The following TBL3 variants were observed in gnomAD, a reference collection of about 807,000 sequenced individuals.
TBL3 encodes transducin beta like 3.
In TBL3, 71 loss-of-function variants were observed where a neutral mutation model predicts 102.7. The ratio of observed to expected loss-of-function variants is 0.69; its 90% CI spans 0.57 to 0.84. TBL3 has a LOEUF of 0.84. TBL3 is among the 40% of genes least tolerant of loss of function. TBL3 has a pLI of 0.00. For synonymous variants in TBL3, 578 were observed against 477.7 expected, an observed-to-expected ratio of 1.21 and a Z score of -2.74; for missense variants, 1,188 against 1,098.5, an observed-to-expected ratio of 1.08 and a Z score of -1.15.
Position 1,979,889 on chromosome 16 carries a change from C to A in TBL3, c.*1204C>A. ...CAGGCGGTCTGCCGGTCTTCGTTCT[C>A]CACCAGCCACCAGCCTGTGCGCAAG... On this transcript the variant is annotated 3_prime_UTR_variant, in exon 22 of 22. Transcript: ENST00000568546. 6.3e-7 allele frequency: 1 copy of A among 1,581,422 alleles called. No individual in the cohort carries two copies. The highest frequency in any genetic ancestry group is 8.6e-7 in the Non-Finnish European group (1 of 1,164,724).
rs140469677 is a variant in TBL3 at position 1,975,091 on chromosome 16, A to G, written c.628A>G (p.Met210Val). The G allele has an allele frequency of 6.3e-5, 101 of 1,611,466 alleles. No individual in the cohort carries two copies. In the African/African-American group the frequency reaches 1.2e-3, roughly 19 times the overall value. ...GGCCTTCAGCGCCGACGGCCACACCATGCTCAGGTCAGCAGTGGGCCCTGG... is the reference window on the plus strand; with the variant it reads ...GGCCTTCAGCGCCGACGGCCACACCGTGCTCAGGTCAGCAGTGGGCCCTGG... ...SLAFSADGHT[M>V]LSSGRDKICI... The change falls in exon 7 of 22, where the codon ATG (methionine) becomes GTG (valine). Residue 210 changes from methionine (M) to valine (V), a missense_variant. Met to Val is a conservative substitution (Grantham distance 21). Coordinates refer to ENST00000568546, the MANE Select transcript of TBL3 (RefSeq NM_006453.3).
chr16:1,977,612 G>A lies in TBL3; in HGVS notation c.1841G>A (p.Ser614Asn). 6.4e-7 allele frequency: 1 copy of A among 1,559,994 alleles called. No individual in the cohort carries two copies. The highest frequency in any genetic ancestry group is 1.2e-5 in the South Asian group (1 of 85,516). ...HEDKVWGLHC[S>N]RLDDHALTGA... ...GACAAGGTCTGGGGGCTGCACTGCAGCCGGCTGGACGACCACGCCCTCACT... is the reference window on the plus strand; with the variant it reads ...GACAAGGTCTGGGGGCTGCACTGCAACCGGCTGGACGACCACGCCCTCACT... Residue 614 changes from serine (S) to asparagine (N), a missense_variant, in exon 17 of 22, where the codon AGC becomes AAC. Coordinates refer to ENST00000568546, the MANE Select transcript of TBL3 (RefSeq NM_006453.3).
At chr16:1,977,014 G>A in intron 14 of TBL3, 40 bp from the exon 15 acceptor site, 1 of 1,612,530 alleles carries the variant, frequency 6.2e-7, no homozygotes, top group Non-Finnish European at 8.5e-7. Context: ...GCTGGGGGAA[G>A]ATGGGGGATT....
Position 1,980,321 on chromosome 16 carries a change from G to A in TBL3, c.*1636G>A. On this transcript the variant is annotated 3_prime_UTR_variant, in exon 22 of 22. Transcript: ENST00000568546. Reference sequence around the variant, plus strand: ...TCCCCCCCACCCTGGACCTCTCCCAGCTCCAAACGCCGCTGCATGCTGGGA... The same window carrying A: ...TCCCCCCCACCCTGGACCTCTCCCAACTCCAAACGCCGCTGCATGCTGGGA... 6.4e-7 allele frequency: 1 copy of A among 1,574,592 alleles called. No individual in the cohort carries two copies. The highest frequency in any genetic ancestry group is 8.6e-7 in the Non-Finnish European group (1 of 1,165,106).
In TBL3 at chr16:1,978,927, C is replaced by T; in HGVS notation, c.*242C>T. On this transcript the variant is annotated 3_prime_UTR_variant, in exon 22 of 22. Coordinates refer to ENST00000568546, the MANE Select transcript of TBL3 (RefSeq NM_006453.3). ...CTTAGACGGTGGGGGTCATGCAGAACAAGCTTTACTCAGAGGAACAGCAAA... is the reference window on the plus strand; with the variant it reads ...CTTAGACGGTGGGGGTCATGCAGAATAAGCTTTACTCAGAGGAACAGCAAA... 8.7e-7 allele frequency: 1 copy of T among 1,146,782 alleles called. No individual in the cohort carries two copies. The highest frequency in any genetic ancestry group is 1.4e-5 in the South Asian group (1 of 69,894). 71.0% of individuals were successfully genotyped at this position (1,146,782 alleles called of 1,614,324 possible).
chr16:1,973,937 C>A, intron 1 of TBL3, 119 bp from the exon 2 acceptor site: 2 of 1,119,804 alleles, frequency 1.8e-6, no homozygotes, highest in South Asian at 1.9e-5. Flanking sequence ...CCTGCTGTTG[C>A]CCAGAAACTC....
Position 1,976,917 on chromosome 16 carries a change from C to T in TBL3, c.1396C>T (p.Pro466Ser). The part of the protein sequence containing the change: ...LSKNTAPDNG[P>S]ILLQAQTTQR... Reference sequence around the variant, plus strand: ...CAAGAACACAGCCCCAGACAACGGCCCTATCCTCCTGCAGGCCCAGACCAC... The same window carrying T: ...CAAGAACACAGCCCCAGACAACGGCTCTATCCTCCTGCAGGCCCAGACCAC... Residue 466 changes from proline to serine, a missense_variant, in exon 14 of 22, where the codon CCT becomes TCT. Pro to Ser is a moderately conservative substitution (Grantham distance 74). Coordinates refer to ENST00000568546, the MANE Select transcript of TBL3 (RefSeq NM_006453.3). The T allele has an allele frequency of 6.2e-7, 1 of 1,613,970 alleles. No individual in the cohort carries two copies. Among genetic ancestry groups the T allele is most frequent in the Non-Finnish European group, 8.5e-7 (1 of 1,180,010 alleles).
intron 20 of TBL3, 24 bp downstream of exon 20, chr16:1,978,244 G>A: frequency 6.2e-7 from 1 of 1,612,630 alleles, no homozygotes; most frequent in African/African-American, 1.3e-5. Context: ...CAGGGTGGGT[G>A]GCCCGGTGGG....
At position 1,979,645 on chromosome 16, in the gene TBL3, C is replaced by T. The variant is rs1421036463; in HGVS notation, c.*960C>T. On this transcript the variant is annotated 3_prime_UTR_variant, in exon 22 of 22. Transcript: ENST00000568546. The stretch of plus-strand genomic sequence containing the variant: ...TTGCTTGAGTCTGCTGACGGCGGGG[C>T]CGCTCTAAGACCGGTTCGGGGCTTC... The T allele has an allele frequency of 2.0e-5, 25 of 1,276,140 alleles. No individual in the cohort carries two copies. Among genetic ancestry groups the T allele is most frequent in the Non-Finnish European group, 2.7e-5 (25 of 912,504 alleles). The allele number at this position is 1,276,140 out of a possible 1,614,324, so 79.1% of individuals were successfully genotyped here.
At position 1,979,110 on chromosome 16, in the gene TBL3, C is replaced by G. The variant is rs560338082; in HGVS notation, c.*425C>G. 5 of 1,490,268 alleles carry G rather than the reference C, an allele frequency of 3.4e-6. No individual in the cohort carries two copies. Among genetic ancestry groups the G allele is most frequent in the Non-Finnish European group, 4.4e-6 (5 of 1,135,172 alleles). The allele number at this position is 1,490,268 out of a possible 1,614,324, so 92.3% of individuals were successfully genotyped here. Reference sequence around the variant, plus strand: ...CACGCACCCTCGAGGGCGGCCCTGGCGCCGTGGGCGCCGCTCCAGGGCCCT... The same window carrying G: ...CACGCACCCTCGAGGGCGGCCCTGGGGCCGTGGGCGCCGCTCCAGGGCCCT... On this transcript the variant is annotated 3_prime_UTR_variant, in exon 22 of 22. Transcript: ENST00000568546.
In TBL3 at chr16:1,977,530, G is replaced by C. The variant is rs752729561; in HGVS notation, c.1759G>C (p.Val587Leu). ...CAAACCCAGCGGTTCGGATGGCCTC[G>C]TGAAGCTCTGGACCATCAAGAACAA... The part of the protein sequence containing the change: ...QLLSSGSDGL[V>L]KLWTIKNNEC... The change falls in exon 17 of 22, where the codon GTG (valine) becomes CTG (leucine). Residue 587 changes from valine to leucine, a missense_variant. Physicochemically the swap from Val to Leu is conservative, Grantham distance 32. Coordinates refer to ENST00000568546, the MANE Select transcript of TBL3 (RefSeq NM_006453.3). 2 of 1,604,664 alleles carry C rather than the reference G, an allele frequency of 1.2e-6. No individual in the cohort carries two copies. Among genetic ancestry groups the C allele is most frequent in the Admixed American group, 1.7e-5 (1 of 59,214 alleles).
Position 1,980,805 on chromosome 16 carries a change from G to A in TBL3, c.*2120G>A. On this transcript the variant is annotated 3_prime_UTR_variant, in exon 22 of 22. Transcript: ENST00000568546. ...CTTGAGAGGGCGGGGTCCCTCACCC[G>A]GATGGCAGGGGCTGGGAGCTTCAGC... The A allele has an allele frequency of 6.0e-6, 9 of 1,494,938 alleles. No individual in the cohort carries two copies. Among genetic ancestry groups the A allele is most frequent in the African/African-American group, 1.4e-5 (1 of 72,278 alleles). The allele number at this position is 1,494,938 out of a possible 1,614,324, so 92.6% of individuals were successfully genotyped here.
At position 1,981,321 on chromosome 16, in the gene TBL3, G is replaced by A; in HGVS notation, c.*2636G>A. 1 of 1,454,098 alleles carries A rather than the reference G, an allele frequency of 6.9e-7. No homozygotes were observed. The highest frequency in any genetic ancestry group is 2.5e-5 in the East Asian group (1 of 40,294). The allele number at this position is 1,454,098 out of a possible 1,614,324, so 90.1% of individuals were successfully genotyped here. On this transcript the variant is annotated 3_prime_UTR_variant, in exon 22 of 22. Coordinates refer to ENST00000568546, the MANE Select transcript of TBL3 (RefSeq NM_006453.3). ...CTCAAGCCTGTGGGGTCCTTGTGGAGCCGCCCCAGCTGAGTCCTTTGCAGC... is the reference window on the plus strand; with the variant it reads ...CTCAAGCCTGTGGGGTCCTTGTGGAACCGCCCCAGCTGAGTCCTTTGCAGC...
Position 1,974,078 on chromosome 16 carries a change from G to T in TBL3, c.64G>T (p.Glu22Ter). ...KTNYAVERKI[E>*]PFYKGGKAQL... is the part of the protein sequence containing the mutation. ...CAGCTATGCTGTGGAGCGCAAAATT[G>T]AGCCTTTCTACAAGGGCGGAAAAGC... is the stretch of plus-strand genomic sequence containing the variant. The change falls in exon 2 of 22, where the codon GAG becomes TAG. Residue 22 changes from glutamate (E) to a stop codon, truncating the protein, a stop_gained. Coordinates refer to ENST00000568546, the MANE Select transcript of TBL3 (RefSeq NM_006453.3). LOFTEE classifies it high-confidence loss of function. The T allele has an allele frequency of 6.3e-7, 1 of 1,582,530 alleles. No individual in the cohort carries two copies. The highest frequency in any genetic ancestry group is 1.1e-5 in the South Asian group (1 of 88,604).
At position 1,978,411 on chromosome 16, in the gene TBL3, G is replaced by A. The variant is rs141195803; in HGVS notation, c.2233G>A (p.Glu745Lys). 130 of 1,611,304 alleles carry A rather than the reference G, an allele frequency of 8.1e-5. 1 individual carries two copies. The highest frequency in any genetic ancestry group is 5.6e-4 in the South Asian group (51 of 90,978). The change falls in exon 21 of 22, where the codon GAG becomes AAG. Residue 745 changes from glutamate to lysine, a missense_variant. Coordinates refer to ENST00000568546, the MANE Select transcript of TBL3 (RefSeq NM_006453.3). ...LGVLLRREAP[E>K]ELLAYEGVRA... ...TGTGCTCTTGAGGCGAGAGGCCCCC[G>A]AGGAGCTGCTGGCCTACGAAGGCGT...
Position 1,979,301 on chromosome 16 carries a change from T to C in TBL3, c.*616T>C. ...TCCCGCTCAGGAGAGCGCCCAGCCC[T>C]TCCGGCCGCAGCAGCACCGCGGGGA... On this transcript the variant is annotated 3_prime_UTR_variant, in exon 22 of 22. Transcript: ENST00000568546. 1 of 1,566,498 alleles carries C rather than the reference T, an allele frequency of 6.4e-7. No individual in the cohort carries two copies. Among genetic ancestry groups the C allele is most frequent in the Non-Finnish European group, 8.6e-7 (1 of 1,163,838 alleles).
At chr16:1,974,456 C>T in intron 4 of TBL3, 33 bp downstream of exon 4, 2 of 1,592,926 alleles carry the variant, frequency 1.3e-6, no homozygotes, top group Non-Finnish European at 8.6e-7. Context: ...GGGACCCGCT[C>T]CAGCGCCTCC....
At chr16:1,976,991 T>G in intron 14 of TBL3, 30 bp downstream of exon 14, 1 of 1,612,614 alleles carries the variant, frequency 6.2e-7, no homozygotes, top group South Asian at 1.1e-5. Flanking sequence ...GGTGGGGGTG[T>G]GGCCAAGCCC....
rs1476168368 is a variant in TBL3 at position 1,972,192 on chromosome 16, C to G, written c.28C>G (p.Arg10Gly). The change falls in exon 1 of 22, where the codon CGC becomes GGC. Residue 10 changes from arginine to glycine, a missense_variant. Coordinates refer to ENST00000568546, the MANE Select transcript of TBL3 (RefSeq NM_006453.3). MAETAAGVG[R>G]FKTNYAVERK... ...GGCAGAGACCGCGGCCGGAGTGGGC[C>G]GCTTCAAGACCAAGTGAGCCCGGAG... The G allele has an allele frequency of 1.4e-6, 2 of 1,411,818 alleles. No homozygotes were observed. The highest frequency in any genetic ancestry group is 1.9e-6 in the Non-Finnish European group (2 of 1,078,458). The allele number at this position is 1,411,818 out of a possible 1,614,324, so 87.5% of individuals were successfully genotyped here. A position where few individuals can be genotyped will look rare whatever the true frequency, so the allele number is the denominator to read the frequency against.
Sources: allele counts gnomAD v4.1 joint callset, GRCh38; gene constraint gnomAD v4.1.1; transcripts MANE v1.5; gene names NCBI Gene and HGNC (gene_info 2026-07-23, HGNC 2026-07-21).